Variants in PCDHA7 observed in about 807,000 individuals in gnomAD.
PCDHA7 encodes protocadherin alpha 7.
A neutral mutation model predicts 57.2 loss-of-function variants in PCDHA7; 37 were observed. The observed-to-expected ratio is 0.65, with a 90% CI of 0.50 to 0.85. The LOEUF (loss-of-function observed/expected upper bound fraction) is 0.85. PCDHA7 is among the 40% of genes least tolerant of loss of function. The pLI is 0.00. For missense variants in PCDHA7, 1,188 were observed against 1,241.8 expected, an observed-to-expected ratio of 0.96 and a Z score of 0.65; for synonymous variants, 553 against 558.8, an observed-to-expected ratio of 0.99 and a Z score of 0.15.
chr5:140,840,665 C>T (rs1298180893), intron 1 of PCDHA7, among the ~76,000 whole-genome samples: 2 of 151,998 alleles, frequency 1.3e-5, no homozygotes, highest in Non-Finnish European at 2.9e-5. Context: ...TATGCACATA[C>T]ATTTTTATTA....
At chr5:141,006,328 C>CA (rs1258327155) in intron 3 of PCDHA7, among the ~76,000 whole-genome samples, 12 of 152,060 alleles carry the variant, frequency 7.9e-5, no homozygotes, top group Non-Finnish European at 1.6e-4. Flanking sequence ...TCTCCTGCCT[C>CA]AGCCTCCTGA....
At chr5:140,839,929 A>G (rs1196921808) in intron 1 of PCDHA7, among the ~76,000 whole-genome samples, 3 of 152,064 alleles carry the variant, frequency 2.0e-5, no homozygotes, top group Non-Finnish European at 2.9e-5. Context: ...TTGAACAAAG[A>G]GTGTGCCAAG....
intron 1 of PCDHA7, among the ~76,000 whole-genome samples, chr5:140,846,106 A>G (rs1477023892): frequency 7.3e-5 from 11 of 149,704 alleles, no homozygotes; most frequent in African/African-American, 2.7e-4. Flanking sequence ...GAATGTGTAG[A>G]CTATCTTACT....
intron 1 of PCDHA7, chr5:140,842,302 T>C: frequency 6.2e-7 from 1 of 1,609,920 alleles, no homozygotes; most frequent in Middle Eastern, 1.7e-4. Context: ...ACAAAGGCCA[T>C]CCTCCCATGG....
rs3776115 is a variant in PCDHA7 at position 140,970,956 on chromosome 5, G to A, written c.2356-7993G>A. Among the ~76,000 whole-genome samples, 119 of 152,278 alleles carry A rather than the reference G, an allele frequency of 7.8e-4. 3 individuals carry two copies. In the East Asian group the frequency reaches 0.019, roughly 25 times the overall value. On this transcript the variant is annotated intron_variant, in intron 1 of 3. Coordinates refer to ENST00000525929, the MANE Select transcript of PCDHA7 (RefSeq NM_018910.3). The stretch of plus-strand genomic sequence containing the variant: ...TAGTCAATGCTGAGAAACCATGGGA[G>A]GCAGATTGTAGATTAAGAAAAATGG...
intron 1 of PCDHA7, among the ~76,000 whole-genome samples, chr5:140,873,728 T>C (rs1208346643): frequency 6.6e-6 from 1 of 152,190 alleles, no homozygotes; most frequent in African/African-American, 2.4e-5. Flanking sequence ...TGGCGCAATC[T>C]CAGCTCACTG....
At chr5:140,954,864 G>A (rs2095103058) in intron 1 of PCDHA7, among the ~76,000 whole-genome samples, 1 of 152,074 alleles carries the variant, frequency 6.6e-6, no homozygotes, top group Admixed American at 6.5e-5. Context: ...TGTCCTGAAT[G>A]GTATTGCCTA....
chr5:140,989,253 G>C (rs886150768), intron 3 of PCDHA7, among the ~76,000 whole-genome samples: 1 of 152,194 alleles, frequency 6.6e-6, no homozygotes, highest in Non-Finnish European at 1.5e-5. Flanking sequence ...CTTGTCAAAA[G>C]GGAGATTCAA....
intron 3 of PCDHA7, among the ~76,000 whole-genome samples, chr5:140,991,311 G>A (rs1036350235): frequency 3.3e-5 from 5 of 152,108 alleles, no homozygotes; most frequent in Admixed American, 2.0e-4. Context: ...ATCTTGTCCC[G>A]CATGATACAT....
intron 1 of PCDHA7, among the ~76,000 whole-genome samples, chr5:140,840,107 G>A (rs2150303526): frequency 2.6e-5 from 4 of 151,884 alleles, no homozygotes; most frequent in East Asian, 1.9e-4. Flanking sequence ...TAGTGAAATC[G>A]AGTGAAAGCT....
At chr5:140,982,253 A>G (rs1209317234) in intron 2 of PCDHA7, 16 of 777,640 alleles carry the variant, frequency 2.1e-5, no homozygotes, top group Admixed American at 3.3e-5. Context: ...AAGATAGAAC[A>G]TGTGTGTTCC....
At chr5:140,991,539 C>T (rs1458315356) in intron 3 of PCDHA7, among the ~76,000 whole-genome samples, 3 of 152,164 alleles carry the variant, frequency 2.0e-5, no homozygotes, top group Admixed American at 6.6e-5. Context: ...CACTATATAA[C>T]AAGGATCCAC....
chr5:140,879,227 T>C (rs1474080938), intron 1 of PCDHA7, among the ~76,000 whole-genome samples: 5 of 152,126 alleles, frequency 3.3e-5, no homozygotes, highest in Admixed American at 6.5e-5. Flanking sequence ...GAAAAAGACA[T>C]ATACAAGAGG....
intron 1 of PCDHA7, among the ~76,000 whole-genome samples, chr5:140,921,323 G>C (rs192159885): frequency 7.2e-4 from 109 of 151,970 alleles, no homozygotes; most frequent in African/African-American, 2.6e-3. Context: ...GAGCTAATCT[G>C]TCTGGTCCAA....
intron 3 of PCDHA7, among the ~76,000 whole-genome samples, chr5:141,002,792 A>G (rs576285489): frequency 6.6e-6 from 1 of 152,306 alleles, no homozygotes; most frequent in South Asian, 2.1e-4. Context: ...CATTTTATGG[A>G]TGAGGAAACT....
chr5:140,945,801 C>T (rs1371269109), intron 1 of PCDHA7, among the ~76,000 whole-genome samples: 2 of 152,026 alleles, frequency 1.3e-5, no homozygotes, highest in East Asian at 3.9e-4. Context: ...GAAACTAGAC[C>T]CTTATCTCAC....
chr5:140,984,140 A>G (rs2097088641), intron 3 of PCDHA7, among the ~76,000 whole-genome samples: 1 of 152,240 alleles, frequency 6.6e-6, no homozygotes, highest in Non-Finnish European at 1.5e-5. Context: ...ATGTGGAGGC[A>G]TCTGGGAAGG....
chr5:140,990,562 C>T (rs2097400496), intron 3 of PCDHA7, among the ~76,000 whole-genome samples: 1 of 152,210 alleles, frequency 6.6e-6, no homozygotes, highest in Non-Finnish European at 1.5e-5. Context: ...CAAGAACACA[C>T]ACCTGTTCGA....
chr5:140,868,980 G>A (rs2050777662), intron 1 of PCDHA7: 2 of 1,489,988 alleles, frequency 1.3e-6, no homozygotes, highest in South Asian at 2.8e-5. Flanking sequence ...CCATCATACC[G>A]GATGCCACCG....
Sources: gnomAD v4.1 joint callset for allele counts (sites outside exome capture counted in the v4.1 genomes callset) on GRCh38, gnomAD v4.1.1 for gene constraint, MANE v1.5 for transcripts, NCBI Gene and HGNC (gene_info 2026-07-23, HGNC 2026-07-21) for gene names.